The following STK10 variants were observed in gnomAD, a reference collection of about 807,000 sequenced individuals.
STK10 encodes serine/threonine-protein kinase 10.
In STK10, 78 loss-of-function variants were observed where a neutral mutation model predicts 113.8. The ratio of observed to expected loss-of-function variants is 0.69; its 90% CI spans 0.57 to 0.83. The LOEUF (loss-of-function observed/expected upper bound fraction) is 0.83, where lower values mean the gene tolerates loss of function less well. Among genes scored for constraint, STK10 ranks in the 40% least tolerant of loss-of-function variants. STK10 has a pLI of 0.00. For missense variants in STK10, 1,109 were observed against 1,280.1 expected (o/e 0.87, Z 2.04); for synonymous variants, 465 against 494.7 (o/e 0.94, Z 0.80).
intron 2 of STK10, among the ~76,000 whole-genome samples, chr5:172,139,682 T>C (rs763878449): frequency 5.9e-5 from 9 of 151,914 alleles, no homozygotes; most frequent in Admixed American, 1.3e-4. Flanking sequence ...CCTTACACCA[T>C]ATACAAAAAC....
chr5:172,071,169 A>G (rs1429001762), intron 12 of STK10, among the ~76,000 whole-genome samples: 1 of 134,450 alleles, frequency 7.4e-6, no homozygotes, highest in East Asian at 2.2e-4. Context: ...AGATTGCACC[A>G]CTGCTCTCCA....
At chr5:172,168,727 G>A (rs1452598948) in intron 1 of STK10, among the ~76,000 whole-genome samples, 1 of 152,170 alleles carries the variant, frequency 6.6e-6, no homozygotes, top group African/African-American at 2.4e-5. Flanking sequence ...AGGTCACATA[G>A]CTAGGAGGCA....
At chr5:172,071,552 AAC>A (rs942751821) in intron 12 of STK10, among the ~76,000 whole-genome samples, 13 of 152,198 alleles carry the variant, frequency 8.5e-5, no homozygotes, top group African/African-American at 2.9e-4. Flanking sequence ...AATAGTAAAA[AAC>A]ACATCCCTGG....
chr5:172,047,198 A>G (rs1385115726), intron 18 of STK10, among the ~76,000 whole-genome samples: 1 of 152,242 alleles, frequency 6.6e-6, no homozygotes, highest in Non-Finnish European at 1.5e-5. Context: ...AAACCCAAGC[A>G]GCTAATGACA....
At chr5:172,172,990 A>G (rs1193349265) in intron 1 of STK10, among the ~76,000 whole-genome samples, 3 of 151,942 alleles carry the variant, frequency 2.0e-5, no homozygotes, top group Admixed American at 6.6e-5. Context: ...AAAAAAGAAA[A>G]AAAAAAGCCT....
At chr5:172,128,968 T>C (rs967069874) in intron 2 of STK10, among the ~76,000 whole-genome samples, 2 of 152,162 alleles carry the variant, frequency 1.3e-5, no homozygotes, top group Admixed American at 6.5e-5. Context: ...CCTGAGGTCA[T>C]GTGGGTCCTA....
At chr5:172,163,805 G>A (rs1342482059) in intron 1 of STK10, among the ~76,000 whole-genome samples, 1 of 152,114 alleles carries the variant, frequency 6.6e-6, no homozygotes, top group African/African-American at 2.4e-5. Flanking sequence ...TCTTCAGCAG[G>A]GACCAACCTG....
intron 7 of STK10, 132 bp downstream of exon 7, chr5:172,105,524 T>C (rs989118654): frequency 3.3e-5 from 31 of 941,438 alleles, no homozygotes; most frequent in Non-Finnish European, 4.9e-5. Flanking sequence ...GCCTGGGGAA[T>C]ACCCGCTGAT....
At chr5:172,055,509 G>A (rs1179744112) in intron 16 of STK10, 79 bp downstream of exon 16, 10 of 1,283,254 alleles carry the variant, frequency 7.8e-6, no homozygotes, top group Non-Finnish European at 1.0e-5. Flanking sequence ...CTCCAAAACT[G>A]TATAAGGCCC....
intron 2 of STK10, among the ~76,000 whole-genome samples, chr5:172,154,960 T>C (rs1029203862): frequency 1.3e-5 from 2 of 152,196 alleles, no homozygotes; most frequent in African/African-American, 2.4e-5. Context: ...AAGTAGTATC[T>C]TTGGACCTGG....
At position 172,090,271 on chromosome 5, in the gene STK10, C is replaced by A; in HGVS notation, c.1646G>T (p.Ser549Ile). The part of the protein sequence containing the change: ...EVSITTSKII[S>I]EDEKKDEEMR... ...CTCCTCATCCTTCTTCTCATCTTCG[C>A]TGATGATCTTGGAGGTGGTGATGCT... Residue 549 changes from serine to isoleucine, a missense_variant, in exon 10 of 19, where the codon AGC becomes ATC. Coordinates refer to ENST00000176763, the MANE Select transcript of STK10 (RefSeq NM_005990.4). The A allele has an allele frequency of 6.2e-7, 1 of 1,614,170 alleles. No homozygotes were observed. The highest frequency in any genetic ancestry group is 8.5e-7 in the Non-Finnish European group (1 of 1,180,018).
chr5:172,047,899 G>GTTTTTTTTTT (rs11438537), intron 18 of STK10, among the ~76,000 whole-genome samples: 1 of 109,802 alleles, frequency 9.1e-6, no homozygotes. Flanking sequence ...TGTTTTTTGG[G>GTTTTTTTTTT]TTTTTTTTTT....
rs780834044 is a variant in STK10 at position 172,083,075 on chromosome 5, T to G, written c.1695A>C (p.Glu565Asp). 3.7e-6 allele frequency: 6 copies of G among 1,614,038 alleles called. No homozygotes were observed. The African/African-American group carries it at 6.7e-5, about 18-fold the overall frequency. Residue 565 changes from glutamate to aspartate, a missense_variant, in exon 11 of 19, where the codon GAA (glutamate) becomes GAC (aspartate). Glu to Asp is a conservative substitution (Grantham distance 45). This residue lies in a region of STK10 where 885 missense variants were observed against 991.1 expected (regional missense o/e 0.89). Transcript: ENST00000176763. ...DEEMRFLRRQELRELRLLQKE... is the reference protein window; with the variant it reads ...DEEMRFLRRQDLRELRLLQKE... ...TCTGGAGCAGCCGAAGCTCTCGGAG[T>G]TCCTGGCGCCTGAAAGGTTAAAGGA...
chr5:172,090,689 C>A (rs1040218984), intron 9 of STK10, among the ~76,000 whole-genome samples: 1 of 152,082 alleles, frequency 6.6e-6, no homozygotes, highest in African/African-American at 2.4e-5. Flanking sequence ...GTAATCCCAG[C>A]ACTTTGGGAG....
chr5:172,151,552 G>A (rs766111132), intron 2 of STK10, among the ~76,000 whole-genome samples: 3 of 151,918 alleles, frequency 2.0e-5, no homozygotes, highest in Non-Finnish European at 4.4e-5. Context: ...TCACCATATT[G>A]GCCAGGCTGG....
intron 10 of STK10, among the ~76,000 whole-genome samples, chr5:172,088,394 G>A (rs923553084): frequency 1.4e-4 from 21 of 152,050 alleles, no homozygotes; most frequent in African/African-American, 5.1e-4. Context: ...CATGGTGGCG[G>A]GCACCTGTAG....
intron 2 of STK10, among the ~76,000 whole-genome samples, chr5:172,145,476 G>A (rs1230319764): frequency 6.6e-6 from 1 of 152,260 alleles, no homozygotes; most frequent in Non-Finnish European, 1.5e-5. Context: ...GGTGGCCACT[G>A]CAGGCAGAGC....
At chr5:172,051,035 C>T (rs1318565354) in intron 18 of STK10, among the ~76,000 whole-genome samples, 1 of 151,516 alleles carries the variant, frequency 6.6e-6, no homozygotes, top group Non-Finnish European at 1.5e-5. Flanking sequence ...ATCGCTTGAA[C>T]CTGGGAGGTG....
chr5:172,187,767 C>T lies in STK10; in HGVS notation c.156+120G>A. 7.0e-7 allele frequency: 1 copy of T among 1,433,570 alleles called. No homozygotes were observed. The highest frequency in any genetic ancestry group is 1.3e-5 in the South Asian group (1 of 77,150). The allele number at this position is 1,433,570 out of a possible 1,614,324, so 88.8% of individuals were successfully genotyped here. A position where few individuals can be genotyped will look rare whatever the true frequency, so the allele number is the denominator to read the frequency against. ...AGTCATCGGGATGAGGGCCAGGGAC[C>T]CCGAATTCAGCGCCGGGCAGCCCTC... On this transcript the variant is annotated intron_variant, in intron 1 of 18. Coordinates refer to ENST00000176763, the MANE Select transcript of STK10 (RefSeq NM_005990.4). This position sits in a 1 kb window ranked among gnomAD's most constrained non-coding sequence, Gnocchi z 4.6.
Sources: allele counts gnomAD v4.1 joint callset (sites outside exome capture counted in the v4.1 genomes callset), GRCh38; gene constraint gnomAD v4.1.1; regional missense constraint gnomAD v4.1.1; non-coding constraint Gnocchi (gnomAD v3.1); transcripts MANE v1.5; gene names NCBI Gene and HGNC (gene_info 2026-07-23, HGNC 2026-07-21).